Variants in DCT observed in about 807,000 individuals in gnomAD.
The protein encoded by DCT is L-dopachrome tautomerase.
A neutral mutation model predicts 53.0 loss-of-function variants in DCT; 47 were observed. The observed-to-expected ratio is 0.89, with a 90% CI of 0.70 to 1.13. DCT has a LOEUF of 1.13. Ranked by LOEUF, DCT falls within the 50% of genes most tolerant of loss-of-function variation. DCT has a pLI of 0.00. For synonymous variants in DCT, 244 were observed against 237.0 expected (o/e 1.03, Z -0.27); for missense variants, 669 against 637.4 (o/e 1.05, Z -0.53).
the DCT span, among the ~76,000 whole-genome samples, chr13:94,488,495 A>G: frequency 6.6e-6 from 1 of 152,062 alleles, no homozygotes; most frequent in African/African-American, 2.4e-5. Context: ...CAGGAGGATC[A>G]CTTGAGCTCA....
At chr13:94,501,057 C>G in the DCT span, among the ~76,000 whole-genome samples, 72,568 of 151,730 alleles carry the variant, frequency 0.48, 19,438 homozygotes, top group African/African-American at 0.72. Context: ...ACGAGGTCAG[C>G]AGATAGAGAC....
At chr13:94,459,994 A>T (rs1369358786) in intron 6 of DCT, 97 bp downstream of exon 6, 4 of 1,281,588 alleles carry the variant, frequency 3.1e-6, no homozygotes, top group Middle Eastern at 1.9e-4. Flanking sequence ...CATTGTTCAC[A>T]CAGAGAATAA....
upstream of DCT, among the ~76,000 whole-genome samples, chr13:94,481,184 G>A (rs747930971): frequency 1.3e-4 from 20 of 152,204 alleles, no homozygotes; most frequent in Non-Finnish European, 2.1e-4. Context: ...TGGATGTAGA[G>A]CCCACTCAGA....
At chr13:94,523,015 A>G in the DCT span, among the ~76,000 whole-genome samples, 2 of 152,128 alleles carry the variant, frequency 1.3e-5, no homozygotes, top group African/African-American at 2.4e-5. Context: ...CATTACCTTC[A>G]TTTGCTCCCA....
At chr13:94,475,294 A>C (rs192302445) in intron 1 of DCT, among the ~76,000 whole-genome samples, 1 of 152,330 alleles carries the variant, frequency 6.6e-6, no homozygotes, top group East Asian at 1.9e-4. Flanking sequence ...ATCTAGCAAG[A>C]TAAGTAGAGC....
At chr13:94,542,352 C>G in the DCT span, among the ~76,000 whole-genome samples, 3 of 152,258 alleles carry the variant, frequency 2.0e-5, no homozygotes, top group Middle Eastern at 0.01. Flanking sequence ...CCATGACCAG[C>G]TAATTTTTGT....
At chr13:94,504,691 G>A in the DCT span, among the ~76,000 whole-genome samples, 1 of 152,004 alleles carries the variant, frequency 6.6e-6, no homozygotes, top group Admixed American at 6.6e-5. Flanking sequence ...TGATCTGGGG[G>A]GATACTTGCT....
the DCT span, among the ~76,000 whole-genome samples, chr13:94,534,832 G>C: frequency 6.6e-6 from 1 of 152,234 alleles, no homozygotes; most frequent in African/African-American, 2.4e-5. Flanking sequence ...GAAGGCAAAA[G>C]ATAATTTCCC....
chr13:94,440,993 T>C (rs1217033608), intron 7 of DCT, among the ~76,000 whole-genome samples: 4 of 152,242 alleles, frequency 2.6e-5, no homozygotes, highest in African/African-American at 7.2e-5. Context: ...ATTTCATTTT[T>C]AATATACATA....
At chr13:94,528,765 T>A in the DCT span, among the ~76,000 whole-genome samples, 1 of 152,114 alleles carries the variant, frequency 6.6e-6, no homozygotes, top group East Asian at 1.9e-4. Flanking sequence ...AACATCATAA[T>A]GACAGGATCA....
At chr13:94,491,793 C>T in the DCT span, among the ~76,000 whole-genome samples, 2 of 152,282 alleles carry the variant, frequency 1.3e-5, no homozygotes, top group East Asian at 3.9e-4. Flanking sequence ...GAGTCTACTT[C>T]TGCAAAGGTT....
At chr13:94,496,852 G>C in the DCT span, among the ~76,000 whole-genome samples, 1 of 152,200 alleles carries the variant, frequency 6.6e-6, no homozygotes, top group Non-Finnish European at 1.5e-5. Context: ...CTAGTGGGCT[G>C]TGAATACACC....
At chr13:94,449,119 C>T (rs1293640431) in intron 6 of DCT, among the ~76,000 whole-genome samples, 3 of 150,714 alleles carry the variant, frequency 2.0e-5, no homozygotes, top group African/African-American at 4.9e-5. Context: ...AAAGTAGAGG[C>T]CATAATGGAA....
At chr13:94,484,429 T>C (rs1566875570), upstream of DCT, among the ~76,000 whole-genome samples, 1 of 152,268 alleles carries the variant, frequency 6.6e-6, no homozygotes, top group African/African-American at 2.4e-5. Context: ...TAAAGTCAGA[T>C]GCCTCTCATA....
At position 94,437,927 on chromosome 13, in the gene DCT, A is replaced by T. The variant is rs1223018548; in HGVS notation, c.*1971T>A. 1 of 152,192 alleles carries T rather than the reference A, an allele frequency of 6.6e-6. No homozygotes were observed. The allele number at this position is 152,192 out of a possible 1,614,324, so 9.4% of individuals were successfully genotyped here. A position where few individuals can be genotyped will look rare whatever the true frequency, so the allele number is the denominator to read the frequency against. ...CGATTACTATTTTTTCCTACCTAAGATAGATCTGCTTTAACCAAGTCTTAT... is the reference window on the plus strand; with the variant it reads ...CGATTACTATTTTTTCCTACCTAAGTTAGATCTGCTTTAACCAAGTCTTAT... On this transcript the variant is annotated 3_prime_UTR_variant, in exon 8 of 8. Coordinates refer to ENST00000377028, the MANE Select transcript of DCT (RefSeq NM_001922.5).
At chr13:94,524,681 C>A in the DCT span, among the ~76,000 whole-genome samples, 3 of 152,122 alleles carry the variant, frequency 2.0e-5, no homozygotes, top group Non-Finnish European at 4.4e-5. Context: ...CTTGGTTCAG[C>A]CTTGGGGTTG....
chr13:94,545,539 C>T, the DCT span, among the ~76,000 whole-genome samples: 1 of 152,120 alleles, frequency 6.6e-6, no homozygotes, highest in African/African-American at 2.4e-5. Context: ...TAAATAATCA[C>T]ATGGCTGCCG....
At chr13:94,500,249 T>C in the DCT span, among the ~76,000 whole-genome samples, 1 of 152,136 alleles carries the variant, frequency 6.6e-6, no homozygotes, top group Non-Finnish European at 1.5e-5. Context: ...GGGTAATTTA[T>C]AAAGAAAAAG....
the DCT span, among the ~76,000 whole-genome samples, chr13:94,531,567 C>T: frequency 2.6e-5 from 4 of 152,134 alleles, no homozygotes; most frequent in African/African-American, 9.7e-5. Flanking sequence ...ATAAATGGTG[C>T]TGGGAAAGCT....
Sources: gnomAD v4.1 joint callset for allele counts (sites outside exome capture counted in the v4.1 genomes callset) on GRCh38, gnomAD v4.1.1 for gene constraint, MANE v1.5 for transcripts, NCBI Gene and HGNC (gene_info 2026-07-23, HGNC 2026-07-21) for gene names.